Variants in PARVA observed in about 807,000 individuals in gnomAD.
PARVA encodes the protein alpha-parvin.
A neutral mutation model predicts 52.6 loss-of-function variants in PARVA; 25 were observed. The observed-to-expected ratio is 0.48, with a 90% CI of 0.35 to 0.66. The LOEUF is 0.66. Among genes scored for constraint, PARVA ranks in the 30% least tolerant of loss-of-function variants. The probability of loss-of-function intolerance (pLI) is 0.01; values close to 1 mark genes in which losing one functional copy is unlikely to be tolerated. For missense variants in PARVA, 373 were observed against 450.9 expected (o/e 0.83, Z 1.56); for synonymous variants, 185 against 179.1 (o/e 1.03, Z -0.26).
intron 1 of PARVA, among the ~76,000 whole-genome samples, chr11:12,390,217 A>G (rs985898226): frequency 6.6e-6 from 1 of 152,194 alleles, no homozygotes; most frequent in Non-Finnish European, 1.5e-5. Flanking sequence ...TGACTTTCCA[A>G]TTCAAAACGA....
At chr11:12,510,050 CA>C (rs1163305534) in intron 7 of PARVA, among the ~76,000 whole-genome samples, 4 of 152,170 alleles carry the variant, frequency 2.6e-5, no homozygotes, top group Non-Finnish European at 5.9e-5. Flanking sequence ...CTCTCTCTGC[CA>C]CAAAGACATA....
intron 1 of PARVA, among the ~76,000 whole-genome samples, chr11:12,392,329 C>T (rs111232404): frequency 0.11 from 15,665 of 147,544 alleles, 2,297 homozygotes; most frequent in African/African-American, 0.33. Flanking sequence ...AGTGCAGTGG[C>T]GCGATGTCAG....
At chr11:12,458,159 A>G (rs922956787) in intron 1 of PARVA, among the ~76,000 whole-genome samples, 2 of 152,212 alleles carry the variant, frequency 1.3e-5, no homozygotes, top group South Asian at 4.1e-4. Context: ...TGTGATCACG[A>G]TTGTATTAAC....
chr11:12,446,703 G>A (rs1375905990), intron 1 of PARVA, among the ~76,000 whole-genome samples: 1 of 152,194 alleles, frequency 6.6e-6, no homozygotes, highest in African/African-American at 2.4e-5. Context: ...TAGCAGTAAT[G>A]ATTGTCATCA....
chr11:12,518,765 C>T (rs1245480350), intron 12 of PARVA, among the ~76,000 whole-genome samples: 2 of 152,252 alleles, frequency 1.3e-5, no homozygotes, highest in Non-Finnish European at 2.9e-5. Context: ...CCGAGCAGAA[C>T]TGCTGCTGCA....
At chr11:12,521,909 C>T (rs1025422287) in intron 12 of PARVA, among the ~76,000 whole-genome samples, 10 of 152,134 alleles carry the variant, frequency 6.6e-5, no homozygotes, top group Admixed American at 3.3e-4. Flanking sequence ...ACAAGTGTAA[C>T]GATCTCCATT....
At position 12,508,099 on chromosome 11, in the gene PARVA, T is replaced by TAAA. The variant is rs35314523; in HGVS notation, c.658-464_658-462dup. 3.7e-3 allele frequency among the ~76,000 whole-genome samples: 342 copies of TAAA among 91,652 alleles called. 3 individuals carry two copies. The highest frequency in any genetic ancestry group is 5.9e-3 in the South Asian group (13 of 2,222). The allele number at this position is 91,652 out of a possible 152,430, so 60.1% of individuals were successfully genotyped here. The stretch of plus-strand genomic sequence containing the variant: ...TTTAAAAGCTCCCATATTTATCAGT[T>TAAA]AAAAAAAAAAAAAAAAAAAAAAACC... On this transcript the variant is annotated intron_variant, in intron 6 of 12. Transcript: ENST00000334956.
chr11:12,458,961 T>C (rs772465008), intron 1 of PARVA, among the ~76,000 whole-genome samples: 15 of 152,220 alleles, frequency 9.9e-5, no homozygotes, highest in Non-Finnish European at 1.9e-4. Context: ...TCATACTTTC[T>C]TTGTTCTTCT....
At chr11:12,462,459 C>T (rs945954052) in intron 1 of PARVA, among the ~76,000 whole-genome samples, 22 of 152,080 alleles carry the variant, frequency 1.4e-4, no homozygotes, top group Admixed American at 5.9e-4. Flanking sequence ...GGGCAGCCTC[C>T]AGATGCTAGA....
rs1941737619 is a variant in PARVA at position 12,528,887 on chromosome 11, T to C, written c.*962T>C. On this transcript the variant is annotated 3_prime_UTR_variant, in exon 13 of 13. Coordinates refer to ENST00000334956, the MANE Select transcript of PARVA (RefSeq NM_018222.5). ...AGGATTTTGTTTAGAATTAATGGAG[T>C]GGCACATTTTGCAGCCTTTTTGCTT... 1 of 152,628 alleles carries C rather than the reference T, an allele frequency of 6.6e-6. No individual in the cohort carries two copies. The highest frequency in any genetic ancestry group is 2.1e-4 in the South Asian group (1 of 4,830). 9.5% of individuals were successfully genotyped at this position (152,628 alleles called of 1,614,324 possible).
chr11:12,401,090 G>C (rs1939821199), intron 1 of PARVA, among the ~76,000 whole-genome samples: 1 of 152,222 alleles, frequency 6.6e-6, no homozygotes, highest in African/African-American at 2.4e-5. Flanking sequence ...TGCCACTGCG[G>C]CATGTAGTGG....
intron 4 of PARVA, among the ~76,000 whole-genome samples, chr11:12,485,286 C>G (rs539538738): frequency 6.6e-6 from 1 of 152,242 alleles, no homozygotes; most frequent in South Asian, 2.1e-4. Context: ...AGATGACCAT[C>G]AGGGTTGGGT....
chr11:12,473,770 G>A lies in PARVA; in HGVS notation c.162G>A (p.Met54Ile). ...TGTCCGAGCTGCAGGAGGAGGGAAT[G>A]AACGCCATCAACCTGCCCCTCAGCC... ...KEVSELQEEG[M>I]NAINLPLSPI... The change falls in exon 2 of 13, where the codon ATG (methionine) becomes ATA (isoleucine). Residue 54 changes from methionine (M) to isoleucine (I), a missense_variant. Transcript: ENST00000334956. The A allele has an allele frequency of 6.4e-7, 1 of 1,568,332 alleles. No individual in the cohort carries two copies. Among genetic ancestry groups the A allele is most frequent in the Non-Finnish European group, 8.7e-7 (1 of 1,155,692 alleles).
intron 4 of PARVA, among the ~76,000 whole-genome samples, chr11:12,485,773 C>T (rs1368001952): frequency 6.6e-6 from 1 of 152,070 alleles, no homozygotes; most frequent in Non-Finnish European, 1.5e-5. Flanking sequence ...ACAGGCTTCC[C>T]ATGGTTAGAG....
chr11:12,461,924 G>A lies in PARVA; in HGVS notation c.137-11821G>A, dbSNP rs117856294. Among the ~76,000 whole-genome samples, 22 of 152,252 alleles carry A rather than the reference G, an allele frequency of 1.4e-4. No homozygotes were observed. In the East Asian group the frequency reaches 3.9e-3, roughly 27 times the overall value. On this transcript the variant is annotated intron_variant, in intron 1 of 12. Coordinates refer to ENST00000334956, the MANE Select transcript of PARVA (RefSeq NM_018222.5). ...AGCTGTGTCAAGTACAAGAGAGTGT[G>A]GTGAGACCCCAACATTCTGCTGAGG...
chr11:12,523,417 C>T (rs990504283), intron 12 of PARVA, among the ~76,000 whole-genome samples: 15 of 152,236 alleles, frequency 9.9e-5, no homozygotes, highest in Admixed American at 4.6e-4. Flanking sequence ...GGGAAGGCTT[C>T]GGAGAAGGGC....
chr11:12,433,431 G>A (rs926466062), intron 1 of PARVA, among the ~76,000 whole-genome samples: 2 of 152,204 alleles, frequency 1.3e-5, no homozygotes, highest in Non-Finnish European at 2.9e-5. Context: ...GAGAGAATCA[G>A]CAATGAAGGA....
intron 1 of PARVA, among the ~76,000 whole-genome samples, chr11:12,416,386 G>C (rs1940067819): frequency 1.3e-5 from 2 of 152,190 alleles, no homozygotes; most frequent in Non-Finnish European, 2.9e-5. Context: ...GAAATGCTGT[G>C]TGACATGAAT....
rs1214487042 is a variant in PARVA, at chr11:12,499,830, CTT to C, written c.541+3235_541+3236del. Among the ~76,000 whole-genome samples, 4 of 152,124 alleles carry C rather than the reference CTT, an allele frequency of 2.6e-5. No homozygotes were observed. The South Asian group carries it at 8.3e-4, about 32-fold the overall frequency. On this transcript the variant is annotated intron_variant, in intron 5 of 12. Transcript: ENST00000334956. ...ATTTTATATATGTATATATAAAAAACTTTTAGCAAAAATGAGATCAACCTGTT... is the reference window on the plus strand; with the variant it reads ...ATTTTATATATGTATATATAAAAAACTTAGCAAAAATGAGATCAACCTGTT...
Sources: allele counts gnomAD v4.1 joint callset (sites outside exome capture counted in the v4.1 genomes callset), GRCh38; gene constraint gnomAD v4.1.1; transcripts MANE v1.5; gene names NCBI Gene and HGNC (gene_info 2026-07-23, HGNC 2026-07-21).